RSU1: variants seen among roughly 807,000 people sequenced by gnomAD.
RSU1 encodes the protein Ras suppressor protein 1, also known as rsu-1.
RSU1 carries 26 observed loss-of-function variants against 31.1 expected under a neutral mutation model. The ratio of observed to expected loss-of-function variants is 0.84; its 90% CI spans 0.61 to 1.16. The LOEUF is 1.16. RSU1 is among the 50% of genes most tolerant of loss of function. RSU1 has a pLI of 0.00. For synonymous variants in RSU1, 164 were observed against 136.3 expected (o/e 1.20, Z -1.41); for missense variants, 320 against 339.1 (o/e 0.94, Z 0.44).
chr10:16,602,016 C>T (rs985982195), intron 8 of RSU1, among the ~76,000 whole-genome samples: 3 of 152,152 alleles, frequency 2.0e-5, no homozygotes, highest in African/African-American at 7.2e-5. Context: ...CTGAGATAAG[C>T]CTTTCCTGAC....
intron 7 of RSU1, among the ~76,000 whole-genome samples, chr10:16,739,466 C>CTTTTTTTTTTT (rs35664560): frequency 1.3e-4 from 12 of 94,248 alleles, no homozygotes; most frequent in Non-Finnish European, 1.8e-4. Context: ...CATTTTCTTC[C>CTTTTTTTTTTT]TTTTTTTTTT....
At chr10:16,790,321 C>T (rs1292569678) in intron 2 of RSU1, among the ~76,000 whole-genome samples, 1 of 152,108 alleles carries the variant, frequency 6.6e-6, no homozygotes, top group African/African-American at 2.4e-5. Flanking sequence ...TGGATTATAC[C>T]AGCTGTCCCT....
At chr10:16,798,581 G>T (rs992784991) in intron 2 of RSU1, among the ~76,000 whole-genome samples, 2 of 152,140 alleles carry the variant, frequency 1.3e-5, no homozygotes, top group African/African-American at 4.8e-5. Flanking sequence ...CGCCATGATT[G>T]TAAGTTTCCT....
At chr10:16,777,640 T>C (rs1291826805) in intron 3 of RSU1, among the ~76,000 whole-genome samples, 1 of 152,196 alleles carries the variant, frequency 6.6e-6, no homozygotes, top group African/African-American at 2.4e-5. Flanking sequence ...TGGACAAGTC[T>C]TAAAATGGTT....
intron 7 of RSU1, among the ~76,000 whole-genome samples, chr10:16,709,586 A>G (rs139476940): frequency 0.024 from 3,640 of 152,258 alleles, 147 homozygotes; most frequent in African/African-American, 0.081. Flanking sequence ...CTTCCACAAT[A>G]GTTGAACTAG....
intron 7 of RSU1, among the ~76,000 whole-genome samples, chr10:16,745,566 C>A (rs1473401159): frequency 3.9e-5 from 6 of 152,060 alleles, no homozygotes; most frequent in Non-Finnish European, 7.4e-5. Context: ...GTGTATGAGA[C>A]CCCCATTTTT....
At chr10:16,748,885 T>TTTTTTTTTTTTTTTTTTTTTTTTGAG (rs1564342950) in intron 7 of RSU1, among the ~76,000 whole-genome samples, 1 of 151,942 alleles carries the variant, frequency 6.6e-6, no homozygotes, top group South Asian at 2.1e-4. Context: ...CCAGAGCTCT[T>TTTTTTTTTTTTTTTTTTTTTTTTGAG]AATACCACAT....
chr10:16,800,346 A>G (rs1838126647), intron 2 of RSU1, among the ~76,000 whole-genome samples: 1 of 152,238 alleles, frequency 6.6e-6, no homozygotes, highest in Non-Finnish European at 1.5e-5. Context: ...AAAAGTAGAC[A>G]ACATGCAAGA....
At chr10:16,633,492 C>A (rs1276067037) in intron 8 of RSU1, among the ~76,000 whole-genome samples, 2 of 152,040 alleles carry the variant, frequency 1.3e-5, no homozygotes, top group Non-Finnish European at 2.9e-5. Flanking sequence ...TTACCCCAAG[C>A]TAGCTTTAGT....
At chr10:16,729,856 C>A (rs1369150829) in intron 7 of RSU1, among the ~76,000 whole-genome samples, 1 of 152,160 alleles carries the variant, frequency 6.6e-6, no homozygotes, top group Non-Finnish European at 1.5e-5. Flanking sequence ...ATAGAGAGGG[C>A]ATTAGCAAAT....
At chr10:16,742,572 G>A (rs1361516587) in intron 7 of RSU1, among the ~76,000 whole-genome samples, 4 of 151,580 alleles carry the variant, frequency 2.6e-5, no homozygotes, top group Non-Finnish European at 4.4e-5. Flanking sequence ...ATGTATTGAG[G>A]TGATAACAAC....
intron 8 of RSU1, among the ~76,000 whole-genome samples, chr10:16,655,287 T>G (rs1280964798): frequency 6.6e-6 from 1 of 152,098 alleles, no homozygotes; most frequent in East Asian, 1.9e-4. Context: ...CTGCTAATAT[T>G]TGACAACAAT....
chr10:16,613,811 A>AC (rs1248513010), intron 8 of RSU1, among the ~76,000 whole-genome samples: 21 of 151,952 alleles, frequency 1.4e-4, no homozygotes, highest in African/African-American at 5.1e-4. Flanking sequence ...AAAAAAAAAA[A>AC]ACAAAAAAAA....
intron 8 of RSU1, among the ~76,000 whole-genome samples, chr10:16,606,495 A>G (rs1373715529): frequency 6.6e-6 from 1 of 152,122 alleles, no homozygotes; most frequent in African/African-American, 2.4e-5. Flanking sequence ...AATTTTTATT[A>G]TCATGGAAGG....
At chr10:16,703,922 GC>G (rs1409406797) in intron 7 of RSU1, among the ~76,000 whole-genome samples, 3 of 152,114 alleles carry the variant, frequency 2.0e-5, no homozygotes, top group African/African-American at 7.2e-5. Context: ...ACTTGAGTGT[GC>G]ATCAGAATAT....
At chr10:16,627,762 C>CAAA (rs74962434) in intron 8 of RSU1, among the ~76,000 whole-genome samples, 64 of 67,442 alleles carry the variant, frequency 9.5e-4, no homozygotes, top group African/African-American at 1.2e-3. Context: ...CATCTCAATA[C>CAAA]AAAAAAAAAA....
intron 6 of RSU1, 54 bp downstream of exon 6, chr10:16,752,864 C>G (rs1206375809): frequency 6.7e-7 from 1 of 1,495,206 alleles, no homozygotes; most frequent in African/African-American, 1.4e-5. Context: ...GATTCTACCC[C>G]TACAAGGCTG....
chr10:16,655,608 T>C (rs1834763524), intron 8 of RSU1, among the ~76,000 whole-genome samples: 1 of 152,236 alleles, frequency 6.6e-6, no homozygotes, highest in African/African-American at 2.4e-5. Context: ...AAATTGTTAA[T>C]TATATATGCA....
At chr10:16,719,182 C>A (rs1027408850) in intron 7 of RSU1, among the ~76,000 whole-genome samples, 11 of 151,878 alleles carry the variant, frequency 7.2e-5, no homozygotes. Context: ...GTGGCGCATG[C>A]CTCTAGTCCC....
Sources: allele counts gnomAD v4.1 joint callset (sites outside exome capture counted in the v4.1 genomes callset), GRCh38; gene constraint gnomAD v4.1.1; transcripts MANE v1.5; gene names NCBI Gene and HGNC (gene_info 2026-07-23, HGNC 2026-07-21).